CUBN: variants seen among roughly 807,000 people sequenced by gnomAD.
CUBN encodes cubilin, also known as 460 kDa receptor.
CUBN carries 282 observed loss-of-function variants against 405.3 expected under a neutral mutation model. The observed-to-expected ratio is 0.70, with a 90% CI of 0.63 to 0.77. The LOEUF (loss-of-function observed/expected upper bound fraction) is 0.77. Ranked by LOEUF, CUBN falls within the 30% of genes least tolerant of loss-of-function variation. The probability of loss-of-function intolerance (pLI) is 0.00; values close to 1 mark genes in which losing one functional copy is unlikely to be tolerated. For missense variants in CUBN, 4,514 were observed against 4,475.2 expected, an observed-to-expected ratio of 1.01 and a Z score of -0.25; for synonymous variants, 1,684 against 1,617.0, an observed-to-expected ratio of 1.04 and a Z score of -0.99.
chr10:17,043,704 G>A, intron 26 of CUBN, 123 bp downstream of exon 26: 1 of 1,334,654 alleles, frequency 7.5e-7, no homozygotes, highest in Non-Finnish European at 1.1e-6. Flanking sequence ...GAATTTGAAG[G>A]CCCACTCTAG....
chr10:16,937,226 T>C (rs541550844), intron 39 of CUBN, among the ~76,000 whole-genome samples: 2 of 152,310 alleles, frequency 1.3e-5, no homozygotes, highest in South Asian at 4.1e-4. Context: ...GAAAAATAGT[T>C]ACTTTTATGA....
At chr10:17,083,126 T>C (rs1036913186) in intron 17 of CUBN, among the ~76,000 whole-genome samples, 1 of 152,190 alleles carries the variant, frequency 6.6e-6, no homozygotes, top group Non-Finnish European at 1.5e-5. Flanking sequence ...TGTAAAACTT[T>C]AATATACTTT....
chr10:16,884,233 C>A (rs1223884345), intron 56 of CUBN, among the ~76,000 whole-genome samples: 1 of 152,172 alleles, frequency 6.6e-6, no homozygotes, highest in Non-Finnish European at 1.5e-5. Flanking sequence ...CCGCCCACCT[C>A]GGCCTCCCAA....
chr10:16,828,293 T>G (rs7918972), intron 66 of CUBN, among the ~76,000 whole-genome samples: 23,007 of 152,136 alleles, frequency 0.15, 2,102 homozygotes, highest in East Asian at 0.43. Flanking sequence ...CTGATTTTTG[T>G]AACTCTTAAT....
intron 22 of CUBN, among the ~76,000 whole-genome samples, chr10:17,050,642 G>C (rs1249851080): frequency 6.6e-6 from 1 of 152,156 alleles, no homozygotes; most frequent in Non-Finnish European, 1.5e-5. Flanking sequence ...AGATCATTTA[G>C]AGTTCTCTCC....
At chr10:17,008,356 T>TGTGTG (rs1834088149) in intron 28 of CUBN, among the ~76,000 whole-genome samples, 1 of 125,630 alleles carries the variant, frequency 8.0e-6, no homozygotes, top group Non-Finnish European at 1.7e-5. Flanking sequence ...GTGTGTGTGG[T>TGTGTG]GTGTGTGTGT....
chr10:17,034,556 G>T (rs1834854219), intron 27 of CUBN, among the ~76,000 whole-genome samples: 1 of 152,164 alleles, frequency 6.6e-6, no homozygotes, highest in African/African-American at 2.4e-5. Context: ...CCAGGGGCTT[G>T]TGCAAAGCTT....
At position 16,961,781 on chromosome 10, in the gene CUBN, G is replaced by A. The variant is rs527265128; in HGVS notation, c.4696-7233C>T. Among the ~76,000 whole-genome samples the A allele has an allele frequency of 1.0e-4, 13 of 129,042 alleles. No individual in the cohort carries two copies. In the South Asian group the frequency reaches 2.0e-3, roughly 20 times the overall value. The allele number at this position is 129,042 out of a possible 152,430, so 84.7% of individuals were successfully genotyped here. ...GGCTGGAGTGCAGTGGCGGGATCTC[G>A]ACTCACTGCAACCTCCGCCTCCCGG... On this transcript the variant is annotated intron_variant, in intron 31 of 66. Transcript: ENST00000377833.
At chr10:16,872,527 T>G (rs910765772) in intron 58 of CUBN, among the ~76,000 whole-genome samples, 10 of 152,068 alleles carry the variant, frequency 6.6e-5, no homozygotes, top group Non-Finnish European at 1.3e-4. Flanking sequence ...GGAGGACCCC[T>G]CACAAATGGG....
At chr10:17,098,853 A>T (rs1836433300) in intron 14 of CUBN, among the ~76,000 whole-genome samples, 1 of 152,200 alleles carries the variant, frequency 6.6e-6, no homozygotes, top group African/African-American at 2.4e-5. Flanking sequence ...AAATCTAACA[A>T]AGATATGGAA....
intron 66 of CUBN, among the ~76,000 whole-genome samples, chr10:16,825,517 GAAAC>G (rs1370302450): frequency 1.3e-5 from 2 of 152,046 alleles, no homozygotes; most frequent in African/African-American, 4.8e-5. Context: ...TAATTTTTCT[GAAAC>G]AAACATATAT....
chr10:17,109,281 C>G (rs1283449530), intron 10 of CUBN, among the ~76,000 whole-genome samples: 1 of 152,144 alleles, frequency 6.6e-6, no homozygotes, highest in Non-Finnish European at 1.5e-5. Flanking sequence ...AGTGTACTTC[C>G]CAAACTCCCT....
chr10:16,980,326 C>T (rs948100349), intron 31 of CUBN, among the ~76,000 whole-genome samples: 6 of 152,206 alleles, frequency 3.9e-5, no homozygotes, highest in African/African-American at 1.4e-4. Context: ...TTTGACTCAG[C>T]AATCCCATTA....
chr10:17,052,786 AAGAGAG>A (rs71505102), intron 22 of CUBN, among the ~76,000 whole-genome samples: 9 of 110,938 alleles, frequency 8.1e-5, no homozygotes, highest in Non-Finnish European at 1.3e-4. Context: ...AAAAAAAAAA[AAGAGAG>A]AGAGAGAGAG....
chr10:16,955,374 CAAAAAAAAAAAA>C (rs59365817), intron 31 of CUBN, among the ~76,000 whole-genome samples: 14 of 68,856 alleles, frequency 2.0e-4, no homozygotes, highest in Admixed American at 8.8e-4. Context: ...GATTCTGTCT[CAAAAAAAAAAAA>C]AAAAAAAAAA....
chr10:16,832,314 CTA>C (rs535164088), intron 64 of CUBN, among the ~76,000 whole-genome samples: 76 of 152,272 alleles, frequency 5.0e-4, no homozygotes, highest in African/African-American at 1.7e-3. Context: ...CCTCTGTTCC[CTA>C]TATAATTCCA....
intron 31 of CUBN, among the ~76,000 whole-genome samples, chr10:16,979,714 T>C (rs1407033962): frequency 6.6e-6 from 1 of 152,154 alleles, no homozygotes; most frequent in African/African-American, 2.4e-5. Flanking sequence ...AAGACTTAAA[T>C]GTAAAACCTA....
At chr10:16,851,654 C>T (rs1839691136) in intron 59 of CUBN, among the ~76,000 whole-genome samples, 2 of 145,874 alleles carry the variant, frequency 1.4e-5, no homozygotes, top group African/African-American at 5.1e-5. Flanking sequence ...CCCTCCTTCC[C>T]TCCCTCTATC....
intron 5 of CUBN, 121 bp from the exon 6 acceptor site, chr10:17,123,019 A>C: frequency 1.4e-6 from 1 of 731,558 alleles, no homozygotes; most frequent in South Asian, 1.5e-5. Context: ...ATAAAGTCAA[A>C]TACAATAATA....
Sources: allele counts gnomAD v4.1 joint callset (sites outside exome capture counted in the v4.1 genomes callset), GRCh38; gene constraint gnomAD v4.1.1; transcripts MANE v1.5; gene names NCBI Gene and HGNC (gene_info 2026-07-23, HGNC 2026-07-21).